Variants in ARHGEF37 observed in about 807,000 individuals in gnomAD.
ARHGEF37 encodes the protein Rho guanine nucleotide exchange factor 37, also known as Rho guanine nucleotide exchange factor (GEF) 37.
ARHGEF37 carries 55 observed loss-of-function variants against 71.1 expected under a neutral mutation model. That is an observed-to-expected ratio of 0.77 (90% CI 0.62 to 0.97). The LOEUF (loss-of-function observed/expected upper bound fraction) is 0.97. Among genes scored for constraint, ARHGEF37 ranks in the 50% least tolerant of loss-of-function variants. The pLI is 0.00. For synonymous variants in ARHGEF37, 327 were observed against 350.6 expected (o/e 0.93, Z 0.75); for missense variants, 765 against 836.8 (o/e 0.91, Z 1.06).
At chr5:149,605,417 T>C (rs1479044895) in intron 3 of ARHGEF37, among the ~76,000 whole-genome samples, 2 of 152,216 alleles carry the variant, frequency 1.3e-5, no homozygotes, top group African/African-American at 4.8e-5. Context: ...CATTCATTAC[T>C]TTTGTTTTGT....
intron 1 of ARHGEF37, among the ~76,000 whole-genome samples, chr5:149,563,599 G>C (rs1439515045): frequency 6.6e-6 from 1 of 152,200 alleles, no homozygotes; most frequent in Non-Finnish European, 1.5e-5. Context: ...AATATACTCT[G>C]CTGCTGTTAT....
Position 149,558,393 on chromosome 5 carries a change from C to T in ARHGEF37, c.-12+6270C>T, listed in dbSNP as rs146177054. ...TGGTGGCTTGCGCCTATAATCCCAGCTACTCAGGAGGCTGAGGCAGGAAAA... is the reference window on the plus strand; with the variant it reads ...TGGTGGCTTGCGCCTATAATCCCAGTTACTCAGGAGGCTGAGGCAGGAAAA... On this transcript the variant is annotated intron_variant, in intron 1 of 2. Transcript: ENST00000505810. 0.016 allele frequency among the ~76,000 whole-genome samples: 2,394 copies of T among 152,228 alleles called. 258 individuals carry two copies. In the East Asian group the frequency reaches 0.31, roughly 20 times the overall value.
In ARHGEF37 at chr5:149,622,003, A is replaced by G. The variant is rs1752560833; in HGVS notation, c.1276A>G (p.Thr426Ala). 1 of 1,613,966 alleles carries G rather than the reference A, an allele frequency of 6.2e-7. No homozygotes were observed. The highest frequency in any genetic ancestry group is 1.1e-5 in the South Asian group (1 of 91,074). ...GGGCCAGATCATGTGCACATTCGTG[A>G]CCCTCCAGAGGGACCTTGCAAAGCA... Reference protein sequence around the residue: ...WLGQIMCTFVTLQRDLAKQVL... With the variant: ...WLGQIMCTFVALQRDLAKQVL... The change falls in exon 9 of 13, where the codon ACC becomes GCC. Residue 426 changes from threonine to alanine, a missense_variant. Thr to Ala is a moderately conservative substitution (Grantham distance 58). Transcript: ENST00000333677.
In ARHGEF37 at chr5:149,618,950, G is replaced by A. The variant is rs1561805747; in HGVS notation, c.802G>A (p.Glu268Lys). 22 of 1,613,878 alleles carry A rather than the reference G, an allele frequency of 1.4e-5. No homozygotes were observed. Among genetic ancestry groups the A allele is most frequent in the Non-Finnish European group, 1.7e-5 (20 of 1,179,778 alleles). Residue 268 changes from glutamate (E) to lysine (K), a missense_variant, in exon 7 of 13, where the codon GAA becomes AAA. Transcript: ENST00000333677. Reference sequence around the variant, plus strand: ...ACATTACTTTCAGACAGAAGACAAGGAATTTGATGATTTAGAAGAGAGGTT... The same window carrying A: ...ACATTACTTTCAGACAGAAGACAAGAAATTTGATGATTTAGAAGAGAGGTT... ...AGLIPRTEDK[E>K]FDDLEERFQW...
intron 1 of ARHGEF37, among the ~76,000 whole-genome samples, chr5:149,573,845 A>C (rs1361369085): frequency 2.6e-5 from 4 of 152,132 alleles, no homozygotes; most frequent in Non-Finnish European, 5.9e-5. Context: ...ATATCCTTAC[A>C]TGTCAATACT....
At chr5:149,584,332 T>C (rs1763177620) in intron 1 of ARHGEF37, among the ~76,000 whole-genome samples, 1 of 151,738 alleles carries the variant, frequency 6.6e-6, no homozygotes, top group South Asian at 2.1e-4. Flanking sequence ...GTCCTTTCCA[T>C]GTATTTATAA....
chr5:149,569,568 C>T (rs1021515811), intron 1 of ARHGEF37, among the ~76,000 whole-genome samples: 2 of 152,160 alleles, frequency 1.3e-5, no homozygotes, highest in Non-Finnish European at 2.9e-5. Context: ...GATCTGCCCA[C>T]CTTGGCCTCC....
intron 4 of ARHGEF37, among the ~76,000 whole-genome samples, chr5:149,615,146 G>GT (rs1267316036): frequency 2.0e-5 from 3 of 151,826 alleles, no homozygotes; most frequent in Non-Finnish European, 4.4e-5. Flanking sequence ...TAGTTCCAGA[G>GT]TTTTTTTTGT....
intron 1 of ARHGEF37, among the ~76,000 whole-genome samples, chr5:149,597,359 G>T (rs1763578195): frequency 6.6e-6 from 1 of 152,168 alleles, no homozygotes; most frequent in Admixed American, 6.5e-5. Flanking sequence ...CCGGGTTCAA[G>T]TGATTCTTCT....
chr5:149,562,100 A>G (rs1762840205), intron 1 of ARHGEF37, among the ~76,000 whole-genome samples: 1 of 152,222 alleles, frequency 6.6e-6, no homozygotes, highest in African/African-American at 2.4e-5. Context: ...GGAAGCACTG[A>G]TACTTATCAC....
At chr5:149,580,272 G>C (rs1763081653), upstream of ARHGEF37, among the ~76,000 whole-genome samples, 1 of 151,972 alleles carries the variant, frequency 6.6e-6, no homozygotes, top group African/African-American at 2.4e-5. Flanking sequence ...TGTTGGCCAG[G>C]ATGGTCTCGA....
rs961700418 is a variant in ARHGEF37 at position 149,633,688 on chromosome 5, A to C, written c.*1497A>C. 2 of 152,258 alleles carry C rather than the reference A, an allele frequency of 1.3e-5. No homozygotes were observed. The highest frequency in any genetic ancestry group is 2.9e-5 in the Non-Finnish European group (2 of 68,046). 9.4% of individuals were successfully genotyped at this position (152,258 alleles called of 1,614,324 possible). ...ACCCAAGTTAGAATGTGTGTCAAACAGGAGGTAGTTTAGATATGCTTCCAA... is the reference window on the plus strand; with the variant it reads ...ACCCAAGTTAGAATGTGTGTCAAACCGGAGGTAGTTTAGATATGCTTCCAA... On this transcript the variant is annotated 3_prime_UTR_variant, in exon 13 of 13. Coordinates refer to ENST00000333677, the MANE Select transcript of ARHGEF37 (RefSeq NM_001001669.3).
chr5:149,588,532 CAT>C (rs1763305954), intron 1 of ARHGEF37, among the ~76,000 whole-genome samples: 1 of 152,028 alleles, frequency 6.6e-6, no homozygotes, highest in Non-Finnish European at 1.5e-5. Context: ...CTCCTGGCCT[CAT>C]GTGATCTGCC....
intron 1 of ARHGEF37, among the ~76,000 whole-genome samples, chr5:149,583,633 A>T (rs1016150988): frequency 6.6e-6 from 1 of 152,202 alleles, no homozygotes; most frequent in Admixed American, 6.5e-5. Context: ...AGATCAAATA[A>T]ATGGCTTTTT....
At chr5:149,573,009 G>A (rs373513139) in intron 1 of ARHGEF37, among the ~76,000 whole-genome samples, 2 of 152,148 alleles carry the variant, frequency 1.3e-5, no homozygotes, top group Non-Finnish European at 2.9e-5. Flanking sequence ...GGACTTCTGC[G>A]CTGGGTCATA....
rs1363853231 is a variant in ARHGEF37 at position 149,618,949 on chromosome 5, G to C, written c.801G>C (p.Lys267Asn). Reference sequence around the variant, plus strand: ...CACATTACTTTCAGACAGAAGACAAGGAATTTGATGATTTAGAAGAGAGGT... The same window carrying C: ...CACATTACTTTCAGACAGAAGACAACGAATTTGATGATTTAGAAGAGAGGT... ...EAGLIPRTED[K>N]EFDDLEERFQ... Residue 267 changes from lysine to asparagine, a missense_variant, in exon 7 of 13, where the codon AAG (lysine) becomes AAC (asparagine). Lys to Asn is a moderately conservative substitution (Grantham distance 94). Transcript: ENST00000333677. 1 of 1,613,870 alleles carries C rather than the reference G, an allele frequency of 6.2e-7. No individual in the cohort carries two copies. The highest frequency in any genetic ancestry group is 1.1e-5 in the South Asian group (1 of 91,082).
chr5:149,597,688 C>A, intron 1 of ARHGEF37, 71 bp from the exon 2 acceptor site: 1 of 1,371,036 alleles, frequency 7.3e-7, no homozygotes, highest in Non-Finnish European at 9.8e-7. Flanking sequence ...GAGTAATTGT[C>A]ATTGAATTAG....
intron 11 of ARHGEF37, 94 bp from the exon 12 acceptor site, chr5:149,628,715 T>C (rs1752776286): frequency 9.7e-6 from 14 of 1,443,172 alleles, no homozygotes; most frequent in Non-Finnish European, 1.3e-5. Context: ...GTTGAGAAGC[T>C]GTGTTGGAAA....
intron 8 of ARHGEF37, among the ~76,000 whole-genome samples, chr5:149,620,864 C>T (rs1254086392): frequency 6.6e-6 from 1 of 151,738 alleles, no homozygotes; most frequent in Non-Finnish European, 1.5e-5. Flanking sequence ...ACAATTGCCA[C>T]ATCTGTAATC....
Sources: allele counts gnomAD v4.1 joint callset (sites outside exome capture counted in the v4.1 genomes callset), GRCh38; gene constraint gnomAD v4.1.1; transcripts MANE v1.5; gene names NCBI Gene and HGNC (gene_info 2026-07-23, HGNC 2026-07-21).